The following DCAF8L2 variants were observed in gnomAD, a reference collection of about 807,000 sequenced individuals.
DCAF8L2 encodes the protein DDB1- and CUL4-associated factor 8-like protein 2.
For missense variants in DCAF8L2, 430 were observed against 490.7 expected (o/e 0.88, Z 1.17); for synonymous variants, 200 against 190.9 (o/e 1.05, Z -0.39).
intron 1 of DCAF8L2, among the ~76,000 whole-genome samples, chrX:27,618,296 A>G (rs768506849): frequency 1.8e-5 from 2 of 111,722 alleles, no homozygotes; most frequent in South Asian, 7.5e-4. Context: ...ATTAGACAAC[A>G]TAACACAGGA....
rs143610140 is a variant in DCAF8L2, at chrX:27,619,284, C to G, written c.-341-12595C>G. Reference sequence around the variant, plus strand: ...AATCTCCAAACAGGGATAAGCCTTTCAGCTTTTCCACAAAATAATTTACCA... The same window carrying G: ...AATCTCCAAACAGGGATAAGCCTTTGAGCTTTTCCACAAAATAATTTACCA... On this transcript the variant is annotated intron_variant, in intron 1 of 4. Coordinates refer to ENST00000451261, the MANE Select transcript of DCAF8L2 (RefSeq NM_001353450.2). 8.3e-3 allele frequency among the ~76,000 whole-genome samples: 921 copies of G among 111,342 alleles called. 6 individuals are homozygous for G. Among genetic ancestry groups the G allele is most frequent in the South Asian group, 0.027 (73 of 2,689 alleles).
At chrX:27,497,819 G>C in the DCAF8L2 span, among the ~76,000 whole-genome samples, 6 of 111,455 alleles carry the variant, frequency 5.4e-5, no homozygotes, top group Admixed American at 1.9e-4. Flanking sequence ...TGCCCGCCTC[G>C]GCCTCCCAAA....
the DCAF8L2 span, among the ~76,000 whole-genome samples, chrX:27,486,978 A>C: frequency 9.0e-6 from 1 of 111,415 alleles, no homozygotes; most frequent in East Asian, 2.8e-4. Context: ...GTTTAGTAGC[A>C]ACATGTCAAA....
At chrX:27,690,942 G>A (rs770218088) in intron 3 of DCAF8L2, among the ~76,000 whole-genome samples, 6 of 111,776 alleles carry the variant, frequency 5.4e-5, no homozygotes, top group African/African-American at 1.6e-4. Context: ...AAAGGCTCAT[G>A]TCTATTAATA....
the DCAF8L2 span, among the ~76,000 whole-genome samples, chrX:27,530,197 G>A: frequency 9.0e-6 from 1 of 110,938 alleles, no homozygotes; most frequent in Admixed American, 9.7e-5. Context: ...CCTCTCAGGG[G>A]AAGAACCAAT....
chrX:27,550,174 G>A, the DCAF8L2 span, among the ~76,000 whole-genome samples: 2 of 112,112 alleles, frequency 1.8e-5, no homozygotes, highest in Non-Finnish European at 3.8e-5. Context: ...CCAGTTGGCA[G>A]GCAATAAGTA....
the DCAF8L2 span, among the ~76,000 whole-genome samples, chrX:27,547,871 T>TTC: frequency 5.2e-5 from 1 of 19,276 alleles, no homozygotes; most frequent in Non-Finnish European, 9.8e-5. Context: ...CTCTCTCTCT[T>TTC]TCTCTCTCTC....
At chrX:27,475,489 A>G in the DCAF8L2 span, among the ~76,000 whole-genome samples, 2 of 111,866 alleles carry the variant, frequency 1.8e-5, no homozygotes, top group Admixed American at 9.5e-5. Context: ...AGCACAGATC[A>G]GCAGCTAAGC....
chrX:27,517,962 G>T, the DCAF8L2 span: 1 of 1,192,310 alleles, frequency 8.4e-7, no homozygotes, highest in Non-Finnish European at 1.1e-6. Context: ...TTTTTGGGCT[G>T]CAGTATGTAG....
chrX:27,700,369 A>G (rs3910260), intron 3 of DCAF8L2, among the ~76,000 whole-genome samples: 54,426 of 107,689 alleles, frequency 0.51, 10,667 homozygotes, highest in African/African-American at 0.66. Context: ...GAAATGGGTC[A>G]TAAGTGTTAA....
chrX:27,519,289 T>C, the DCAF8L2 span: 1 of 1,021,723 alleles, frequency 9.8e-7, no homozygotes, highest in East Asian at 3.0e-5. Context: ...GGATCAAGAA[T>C]GAAAACGAGC....
intron 2 of DCAF8L2, among the ~76,000 whole-genome samples, chrX:27,656,312 T>A (rs1183510978): frequency 2.7e-5 from 3 of 112,075 alleles, no homozygotes; most frequent in African/African-American, 9.7e-5. Flanking sequence ...CGAGAGTAGA[T>A]AAAACATTAT....
At chrX:27,527,715 G>A in the DCAF8L2 span, among the ~76,000 whole-genome samples, 2,265 of 108,745 alleles carry the variant, frequency 0.021, 75 homozygotes, top group African/African-American at 0.072. Context: ...GCAGTGGCAC[G>A]ATCTCAGCTC....
chrX:27,573,765 G>A, the DCAF8L2 span, among the ~76,000 whole-genome samples: 1 of 111,505 alleles, frequency 9.0e-6, no homozygotes, highest in Non-Finnish European at 1.9e-5. Context: ...CTTAGCCTGG[G>A]AGGGCTATTT....
intron 3 of DCAF8L2, among the ~76,000 whole-genome samples, chrX:27,688,580 CTT>C (rs369052816): frequency 2.6e-4 from 29 of 111,056 alleles, no homozygotes; most frequent in African/African-American, 8.9e-4. Context: ...AAAATAGTAG[CTT>C]TTTTGTTGTA....
chrX:27,519,203 G>A, the DCAF8L2 span: 17 of 1,082,764 alleles, frequency 1.6e-5, no homozygotes, highest in Middle Eastern at 1.1e-3. Context: ...CTAATGGAAC[G>A]TCTAAGACAG....
At chrX:27,731,515 C>A (rs1350689901) in intron 4 of DCAF8L2, among the ~76,000 whole-genome samples, 1 of 111,487 alleles carries the variant, frequency 9.0e-6, no homozygotes, top group Non-Finnish European at 1.9e-5. Flanking sequence ...TGGCAAAGAC[C>A]CTCTTCCTGA....
chrX:27,586,433 C>T (rs1259483220), upstream of DCAF8L2, among the ~76,000 whole-genome samples: 1 of 110,962 alleles, frequency 9.0e-6, no homozygotes, highest in Non-Finnish European at 1.9e-5. Flanking sequence ...TGGTTTTTGC[C>T]ATTACTTTTA....
intron 3 of DCAF8L2, among the ~76,000 whole-genome samples, chrX:27,702,982 G>T (rs5926483): frequency 9.0e-6 from 1 of 110,510 alleles, no homozygotes; most frequent in South Asian, 3.7e-4. Context: ...GGAACTAATA[G>T]ACAAGTTCAG....
Sources: allele counts gnomAD v4.1 joint callset (sites outside exome capture counted in the v4.1 genomes callset), GRCh38; gene constraint gnomAD v4.1.1; transcripts MANE v1.5; gene names NCBI Gene and HGNC (gene_info 2026-07-23, HGNC 2026-07-21).